CYP2J2: variants seen among roughly 807,000 people sequenced by gnomAD.
CYP2J2 encodes the protein cytochrome P450 family 2 subfamily J member 2.
In CYP2J2, 41 loss-of-function variants were observed where a neutral mutation model predicts 48.8. That is an observed-to-expected ratio of 0.84 (90% CI 0.66 to 1.09). The LOEUF is 1.09. CYP2J2 is among the 50% of genes least tolerant of loss of function. CYP2J2 has a pLI of 0.00. For missense variants in CYP2J2, 644 were observed against 617.3 expected (o/e 1.04, Z -0.46); for synonymous variants, 221 against 227.1 (o/e 0.97, Z 0.24).
intron 8 of CYP2J2, among the ~76,000 whole-genome samples, chr1:59,899,416 A>C (rs1644297578): frequency 6.6e-6 from 1 of 152,218 alleles, no homozygotes; most frequent in Non-Finnish European, 1.5e-5. Context: ...CTAAGGCAAC[A>C]CAGCACAGGG....
the CYP2J2 span, among the ~76,000 whole-genome samples, chr1:59,953,588 C>G: frequency 6.6e-6 from 1 of 151,592 alleles, no homozygotes; most frequent in Non-Finnish European, 1.5e-5. Flanking sequence ...TAGACATGGC[C>G]AAGAAGATGT....
chr1:59,898,886 A>G (rs1644292755), intron 8 of CYP2J2, among the ~76,000 whole-genome samples: 1 of 152,250 alleles, frequency 6.6e-6, no homozygotes. Context: ...TACACCTCTC[A>G]ATAGCAAAGC....
At chr1:59,920,010 AATGG>A (rs1644499617) in intron 1 of CYP2J2, among the ~76,000 whole-genome samples, 1 of 152,166 alleles carries the variant, frequency 6.6e-6, no homozygotes, top group African/African-American at 2.4e-5. Context: ...GCAGAAAAAA[AATGG>A]AATGCACAGC....
At chr1:59,894,535 C>T (rs1644252458) in intron 8 of CYP2J2, among the ~76,000 whole-genome samples, 2 of 152,144 alleles carry the variant, frequency 1.3e-5, no homozygotes, top group Non-Finnish European at 2.9e-5. Context: ...GGCAGAAGGG[C>T]AGAGATTCAA....
the CYP2J2 span, among the ~76,000 whole-genome samples, chr1:59,955,253 C>CATAT: frequency 3.7e-5 from 4 of 108,026 alleles, no homozygotes; most frequent in African/African-American, 2.2e-4. Flanking sequence ...TATATATATC[C>CATAT]ATATATATAT....
chr1:59,952,935 C>A, the CYP2J2 span, among the ~76,000 whole-genome samples: 2 of 152,130 alleles, frequency 1.3e-5, no homozygotes, highest in Non-Finnish European at 2.9e-5. Context: ...GAAACAGGAT[C>A]AGGTACACAG....
chr1:59,965,414 C>T, the CYP2J2 span, among the ~76,000 whole-genome samples: 5 of 152,188 alleles, frequency 3.3e-5, no homozygotes, highest in Non-Finnish European at 7.3e-5. Flanking sequence ...TCCAACTCCA[C>T]GACACAAATA....
At chr1:59,932,575 A>G in the CYP2J2 span, among the ~76,000 whole-genome samples, 1 of 152,186 alleles carries the variant, frequency 6.6e-6, no homozygotes, top group African/African-American at 2.4e-5. Context: ...CTTTACAAGA[A>G]CTAGTAAAAG....
the CYP2J2 span, among the ~76,000 whole-genome samples, chr1:59,942,664 C>A: frequency 6.6e-6 from 1 of 151,744 alleles, no homozygotes; most frequent in African/African-American, 2.4e-5. Flanking sequence ...GTAGGAGAGA[C>A]AGGTTAGGAG....
At chr1:59,947,435 T>TA in the CYP2J2 span, among the ~76,000 whole-genome samples, 2 of 152,116 alleles carry the variant, frequency 1.3e-5, no homozygotes, top group African/African-American at 2.4e-5. Flanking sequence ...AGAGTGCAGT[T>TA]AATTGGAGAG....
the CYP2J2 span, among the ~76,000 whole-genome samples, chr1:59,936,022 C>A: frequency 7.2e-5 from 11 of 152,110 alleles, no homozygotes; most frequent in Non-Finnish European, 1.6e-4. Flanking sequence ...CCTGCCTCAG[C>A]CTCCCAAAGT....
the CYP2J2 span, among the ~76,000 whole-genome samples, chr1:59,968,418 T>C: frequency 1.3e-5 from 2 of 152,128 alleles, no homozygotes; most frequent in African/African-American, 4.8e-5. Context: ...CACACCTAAG[T>C]ACCTGGACCC....
intron 8 of CYP2J2, among the ~76,000 whole-genome samples, chr1:59,897,589 T>C (rs770216006): frequency 6.6e-6 from 1 of 152,158 alleles, no homozygotes; most frequent in Non-Finnish European, 1.5e-5. Flanking sequence ...GTTACCTCAG[T>C]AGTAAAATGA....
In CYP2J2 at chr1:59,893,786, C is replaced by T. The variant is rs372036371; in HGVS notation, c.1374G>A (p.Leu458=). The change falls in exon 9 of 9, where the codon CTG becomes CTA. Residue 458 remains leucine, a synonymous_variant. Coordinates refer to ENST00000371204, the MANE Select transcript of CYP2J2 (RefSeq NM_000775.4). ...CLGEQLARTE[L]FIFFTSLMQK... is the part of the protein sequence containing the mutation. ...GCATAAGGGAAGTGAAGAAAATAAA[C>T]AGCTCAGTCCTGGCCAACTGTTCTC... 136 of 1,612,908 alleles carry T rather than the reference C, an allele frequency of 8.4e-5. No homozygotes were observed. Among genetic ancestry groups the T allele is most frequent in the Non-Finnish European group, 1.1e-4 (124 of 1,179,568 alleles).
At chr1:59,928,431 C>T (rs1644586579), upstream of CYP2J2, among the ~76,000 whole-genome samples, 1 of 152,166 alleles carries the variant, frequency 6.6e-6, no homozygotes, top group Non-Finnish European at 1.5e-5. Flanking sequence ...TGAGCCATAA[C>T]TCACTCTTTC....
intron 7 of CYP2J2, among the ~76,000 whole-genome samples, chr1:59,903,112 T>C (rs1190369595): frequency 6.6e-6 from 1 of 152,180 alleles, no homozygotes; most frequent in Admixed American, 6.5e-5. Context: ...ATCCACTAAA[T>C]GGTCAATCAG....
At chr1:59,960,390 A>G in the CYP2J2 span, among the ~76,000 whole-genome samples, 1 of 152,192 alleles carries the variant, frequency 6.6e-6, no homozygotes, top group Non-Finnish European at 1.5e-5. Context: ...ATGCTGCAGG[A>G]AAGTGTTAAT....
chr1:59,932,995 A>T, the CYP2J2 span, among the ~76,000 whole-genome samples: 2 of 152,186 alleles, frequency 1.3e-5, no homozygotes, highest in Non-Finnish European at 2.9e-5. Context: ...GATTTAGCAG[A>T]TAAGTTTGCT....
the CYP2J2 span, among the ~76,000 whole-genome samples, chr1:59,951,535 C>G: frequency 6.6e-6 from 1 of 152,050 alleles, no homozygotes; most frequent in African/African-American, 2.4e-5. Flanking sequence ...TGTTAAGAAC[C>G]CTGTAACTAG....
Sources: allele counts gnomAD v4.1 joint callset (sites outside exome capture counted in the v4.1 genomes callset), GRCh38; gene constraint gnomAD v4.1.1; transcripts MANE v1.5; gene names NCBI Gene and HGNC (gene_info 2026-07-23, HGNC 2026-07-21).